The following MEMO1 variants were observed in gnomAD, a reference collection of about 807,000 sequenced individuals.
MEMO1 encodes the protein protein MEMO1.
MEMO1 carries 6 observed loss-of-function variants against 45.2 expected under a neutral mutation model. That is an observed-to-expected ratio of 0.13 (90% CI 0.07 to 0.26). The LOEUF is 0.26. MEMO1 is among the 10% of genes least tolerant of loss of function. The pLI is 1.00. For synonymous variants in MEMO1, 78 were observed against 124.3 expected, an observed-to-expected ratio of 0.63 and a Z score of 2.48; for missense variants, 184 against 370.5, an observed-to-expected ratio of 0.50 and a Z score of 4.13.
intron 8 of MEMO1, 44 bp downstream of exon 8, chr2:31,883,342 G>T: frequency 5.3e-6 from 7 of 1,308,970 alleles, no homozygotes; most frequent in Non-Finnish European, 7.4e-6. Context: ...TGAAATTAAA[G>T]AAAAAGCCTT....
chr2:32,000,790 A>T (rs557810698), intron 2 of MEMO1, among the ~76,000 whole-genome samples: 5 of 145,682 alleles, frequency 3.4e-5, no homozygotes, highest in East Asian at 4.0e-4. Context: ...CATACCACAT[A>T]TTTTTTTTTT....
At chr2:31,944,541 C>T (rs1429962092) in intron 2 of MEMO1, among the ~76,000 whole-genome samples, 3 of 152,138 alleles carry the variant, frequency 2.0e-5, no homozygotes. Flanking sequence ...TTCTGCTTTC[C>T]CTCGTATTTC....
chr2:31,933,348 A>AAAATAT (rs1558514269), intron 3 of MEMO1, among the ~76,000 whole-genome samples: 2 of 16,186 alleles, frequency 1.2e-4, no homozygotes, highest in Non-Finnish European at 2.1e-4. Flanking sequence ...AAAAAAAAAA[A>AAAATAT]ATTTATATAT....
intron 2 of MEMO1, among the ~76,000 whole-genome samples, chr2:31,996,422 C>A (rs6710981): frequency 0.024 from 3,645 of 151,894 alleles, 149 homozygotes; most frequent in African/African-American, 0.083. Context: ...GGTGCACACC[C>A]GTAGTCCCAG....
At chr2:31,901,353 A>G (rs962560812) in intron 6 of MEMO1, among the ~76,000 whole-genome samples, 3 of 142,874 alleles carry the variant, frequency 2.1e-5, no homozygotes, top group Admixed American at 7.1e-5. Flanking sequence ...AGCCTGAGCG[A>G]AAGAGTGAGA....
chr2:31,993,908 G>A (rs911896685), intron 2 of MEMO1, among the ~76,000 whole-genome samples: 1 of 135,524 alleles, frequency 7.4e-6, no homozygotes, highest in African/African-American at 2.8e-5. Context: ...AAGTAATGCT[G>A]TTGCTGTCTG....
chr2:31,876,400 T>C (rs1674568551), intron 8 of MEMO1, among the ~76,000 whole-genome samples: 1 of 152,204 alleles, frequency 6.6e-6, no homozygotes, highest in Admixed American at 6.5e-5. Flanking sequence ...TTTACCATCA[T>C]TTACCTTTTT....
rs149467317 is a variant in MEMO1 at position 31,957,883 on chromosome 2, G to C, written c.62-14500C>G. Among the ~76,000 whole-genome samples the C allele has an allele frequency of 2.1e-4, 32 of 152,314 alleles. No individual in the cohort carries two copies. The East Asian group carries it at 6.2e-3, about 29-fold the overall frequency. Reference sequence around the variant, plus strand: ...ATACAATTTTTGGTTTTGGGTATTTGTTGTGGCATGTTGAGGTCTGTTTCC... The same window carrying C: ...ATACAATTTTTGGTTTTGGGTATTTCTTGTGGCATGTTGAGGTCTGTTTCC... On this transcript the variant is annotated intron_variant, in intron 2 of 9. Transcript: ENST00000404530.
chr2:31,882,316 C>G (rs1675520662), intron 8 of MEMO1, among the ~76,000 whole-genome samples: 1 of 151,476 alleles, frequency 6.6e-6, no homozygotes, highest in African/African-American at 2.4e-5. Context: ...GTCCCTGTCT[C>G]TTAAAAAAAG....
At chr2:31,933,346 A>ATTTTT (rs869211483) in intron 3 of MEMO1, among the ~76,000 whole-genome samples, 1 of 25,516 alleles carries the variant, frequency 3.9e-5, no homozygotes, top group African/African-American at 1.6e-4. Context: ...AAAAAAAAAA[A>ATTTTT]AAATTTATAT....
chr2:31,922,474 C>T (rs1379139184), intron 4 of MEMO1, among the ~76,000 whole-genome samples: 1 of 152,066 alleles, frequency 6.6e-6, no homozygotes, highest in Non-Finnish European at 1.5e-5. Context: ...AACAGATTAT[C>T]CTTTTCTTTA....
rs1366795462 is a variant in MEMO1 at position 32,000,195 on chromosome 2, A to C, written c.61+9992T>G. Reference sequence around the variant, plus strand: ...GCCACAGCACCCAGCTCAAGTCTTTACTCAAATGACATCTCAGTGAAGTCT... The same window carrying C: ...GCCACAGCACCCAGCTCAAGTCTTTCCTCAAATGACATCTCAGTGAAGTCT... On this transcript the variant is annotated intron_variant, in intron 2 of 9. Transcript: ENST00000404530. 6.7e-5 allele frequency among the ~76,000 whole-genome samples: 10 copies of C among 148,648 alleles called. No individual in the cohort carries two copies. The East Asian group carries it at 2.0e-3, about 30-fold the overall frequency.
At chr2:31,981,238 G>A (rs1467343596) in intron 2 of MEMO1, among the ~76,000 whole-genome samples, 1 of 152,210 alleles carries the variant, frequency 6.6e-6, no homozygotes, top group Non-Finnish European at 1.5e-5. Context: ...CACAGCAGGA[G>A]TAGTTAGAGT....
chr2:31,943,152 CT>C (rs1344777124), intron 3 of MEMO1, 149 bp downstream of exon 3: 2 of 654,222 alleles, frequency 3.1e-6, no homozygotes, highest in Admixed American at 2.6e-5. Flanking sequence ...GTAGTCCCAA[CT>C]GCTCAGGAGG....
chr2:31,923,615 C>CTAGG, intron 4 of MEMO1: 1 of 1,532,106 alleles, frequency 6.5e-7, no homozygotes, highest in Non-Finnish European at 8.8e-7. Flanking sequence ...GGTAGCCTGA[C>CTAGG]TAGGGCCAGG....
At chr2:31,885,521 A>T (rs1183664714) in intron 7 of MEMO1, among the ~76,000 whole-genome samples, 2 of 152,246 alleles carry the variant, frequency 1.3e-5, no homozygotes, top group African/African-American at 4.8e-5. Context: ...ATTTGATACT[A>T]AATTTTTACT....
chr2:31,909,255 A>G (rs2148101199), intron 6 of MEMO1, among the ~76,000 whole-genome samples: 1 of 152,356 alleles, frequency 6.6e-6, no homozygotes, highest in South Asian at 2.1e-4. Context: ...TGGAAGACCT[A>G]GCCAGAACAA....
At chr2:32,008,617 T>C (rs976370170) in intron 2 of MEMO1, among the ~76,000 whole-genome samples, 1 of 152,082 alleles carries the variant, frequency 6.6e-6, no homozygotes, top group African/African-American at 2.4e-5. Flanking sequence ...TCTACATGTT[T>C]CCCCATAAGC....
intron 6 of MEMO1, among the ~76,000 whole-genome samples, chr2:31,904,666 C>T (rs1304919100): frequency 6.6e-6 from 1 of 152,194 alleles, no homozygotes; most frequent in Non-Finnish European, 1.5e-5. Flanking sequence ...CCACCGTTCG[C>T]ATCCTGTTGC....
Sources: gnomAD v4.1 joint callset for allele counts (sites outside exome capture counted in the v4.1 genomes callset) on GRCh38, gnomAD v4.1.1 for gene constraint, MANE v1.5 for transcripts, NCBI Gene and HGNC (gene_info 2026-07-23, HGNC 2026-07-21) for gene names.